PRSS23: variants seen among roughly 807,000 people sequenced by gnomAD.
The protein encoded by PRSS23 is serine protease 23.
In PRSS23, 25 loss-of-function variants were observed where a neutral mutation model predicts 34.7. The observed-to-expected ratio is 0.72, with a 90% confidence interval of 0.53 to 1.01. PRSS23 has a LOEUF of 1.01. PRSS23 is among the 50% of genes least tolerant of loss of function. The pLI is 0.00. For missense variants in PRSS23, 445 were observed against 475.6 expected (o/e 0.94, Z 0.60); for synonymous variants, 176 against 186.6 (o/e 0.94, Z 0.46).
intron 2 of PRSS23, among the ~76,000 whole-genome samples, chr11:86,928,423 C>G (rs1949097353): frequency 6.7e-6 from 1 of 148,504 alleles, no homozygotes; most frequent in Non-Finnish European, 1.5e-5. Flanking sequence ...CACCTGTAAT[C>G]CCAGCACTTT....
At position 86,927,480 on chromosome 11, in the gene PRSS23, G is replaced by A. The variant is rs569403332; in HGVS notation, c.207-23736G>A. 1.1e-4 allele frequency among the ~76,000 whole-genome samples: 16 copies of A among 152,234 alleles called. No individual in the cohort carries two copies. The South Asian group carries it at 2.9e-3, about 28-fold the overall frequency. ...ACAGTAATACTGATAAGAAAGCAGA[G>A]CTAAGATTTTACCTTCTCATTTTTT... On this transcript the variant is annotated intron_variant, in intron 2 of 2. Coordinates refer to the PRSS23 transcript ENST00000533902.
chr11:86,824,335 T>TA (rs774046719), intron 2 of PRSS23, among the ~76,000 whole-genome samples: 1 of 112,540 alleles, frequency 8.9e-6, no homozygotes, highest in Non-Finnish European at 1.9e-5. Flanking sequence ...AAAATAAAAA[T>TA]AAAATAAAAT....
At chr11:86,815,692 A>T (rs1046397719), downstream of PRSS23, among the ~76,000 whole-genome samples, 1 of 152,198 alleles carries the variant, frequency 6.6e-6, no homozygotes, top group African/African-American at 2.4e-5. Flanking sequence ...GTCTTCCCTT[A>T]TCTATCCCAT....
intron 2 of PRSS23, among the ~76,000 whole-genome samples, chr11:86,878,233 C>CCTCCCTCTCCCTCATCTCTGT (rs1727225516): frequency 2.4e-5 from 2 of 84,798 alleles, no homozygotes; most frequent in African/African-American, 1.2e-4. Flanking sequence ...TACCCCTCCC[C>CCTCCCTCTCCCTCATCTCTGT]CTCCCTCTCC....
At chr11:86,945,413 G>C (rs1949234666) in intron 2 of PRSS23, among the ~76,000 whole-genome samples, 1 of 150,968 alleles carries the variant, frequency 6.6e-6, no homozygotes, top group Non-Finnish European at 1.5e-5. Context: ...GAGAACTATA[G>C]TTATATCCAA....
At chr11:86,871,046 A>G (rs893575638) in intron 2 of PRSS23, among the ~76,000 whole-genome samples, 4 of 152,048 alleles carry the variant, frequency 2.6e-5, no homozygotes, top group Non-Finnish European at 5.9e-5. Flanking sequence ...CTTTTTTCAT[A>G]TCTAGTAATT....
chr11:86,876,598 G>C (rs191119810), intron 2 of PRSS23, among the ~76,000 whole-genome samples: 22 of 152,236 alleles, frequency 1.4e-4, no homozygotes, highest in Admixed American at 1.2e-3. Flanking sequence ...CCTAGGAGCT[G>C]GTTAGAAATG....
intron 2 of PRSS23, among the ~76,000 whole-genome samples, chr11:86,917,639 C>G (rs1168996418): frequency 6.6e-6 from 1 of 152,170 alleles, no homozygotes; most frequent in Non-Finnish European, 1.5e-5. Flanking sequence ...TGCTTAAAAT[C>G]GGACTATCTG....
chr11:86,820,342 T>C (rs1437032714), intron 1 of PRSS23, among the ~76,000 whole-genome samples: 2 of 152,194 alleles, frequency 1.3e-5, no homozygotes, highest in African/African-American at 4.8e-5. Flanking sequence ...TTAATACAAA[T>C]ATAAATAAGT....
intron 2 of PRSS23, among the ~76,000 whole-genome samples, chr11:86,823,756 C>T (rs1422894144): frequency 1.3e-5 from 2 of 152,076 alleles, no homozygotes; most frequent in Non-Finnish European, 2.9e-5. Flanking sequence ...CCTGTAATCC[C>T]AGCATTTTGG....
exon 3 of PRSS23, chr11:86,952,526 C>A (rs1255880444): frequency 6.3e-7 from 1 of 1,584,440 alleles, no homozygotes; most frequent in East Asian, 2.2e-5. Context: ...GGAAGTTTGA[C>A]CAAATGCTCC....
chr11:86,830,340 C>G (rs190601802), intron 2 of PRSS23, among the ~76,000 whole-genome samples: 1 of 152,276 alleles, frequency 6.6e-6, no homozygotes, highest in East Asian at 1.9e-4. Flanking sequence ...TTAAGCCTGT[C>G]GGAAAAGCGC....
rs778076028 is a variant in PRSS23 at position 86,939,393 on chromosome 11, T to TAAAAAAAAA, written c.207-11820_207-11812dup. ...TTTTCCAGTGTTCCTATTTCTCAGT[T>TAAAAAAAAA]AAAAAAAAAAATATATATATATATA... On this transcript the variant is annotated intron_variant, in intron 2 of 2. Coordinates refer to the PRSS23 transcript ENST00000533902. Among the ~76,000 whole-genome samples the TAAAAAAAAA allele has an allele frequency of 4.0e-3, 332 of 83,790 alleles. 1 individual carries two copies. The highest frequency in any genetic ancestry group is 5.4e-3 in the Non-Finnish European group (204 of 37,580). The allele number at this position is 83,790 out of a possible 152,430, so 55.0% of individuals were successfully genotyped here. A position where few individuals can be genotyped will look rare whatever the true frequency, so the allele number is the denominator to read the frequency against.
chr11:86,900,312 A>G (rs1448062999), intron 2 of PRSS23, among the ~76,000 whole-genome samples: 1 of 152,206 alleles, frequency 6.6e-6, no homozygotes, highest in East Asian at 1.9e-4. Context: ...ACAGGGAGGC[A>G]GGAGGAGGAA....
At chr11:86,880,522 T>C (rs1412038224) in intron 2 of PRSS23, among the ~76,000 whole-genome samples, 1 of 152,158 alleles carries the variant, frequency 6.6e-6, no homozygotes, top group African/African-American at 2.4e-5. Context: ...CCTGGATATA[T>C]GTGCAGAATG....
intron 2 of PRSS23, among the ~76,000 whole-genome samples, chr11:86,823,866 C>A (rs1297982449): frequency 6.6e-6 from 1 of 150,814 alleles, no homozygotes; most frequent in Admixed American, 6.6e-5. Flanking sequence ...ATTAGCCGGG[C>A]GTGGTAGCGG....
chr11:86,879,733 GC>G (rs1401899471), intron 2 of PRSS23, among the ~76,000 whole-genome samples: 2 of 137,408 alleles, frequency 1.5e-5, no homozygotes, highest in African/African-American at 5.4e-5. Context: ...GGGGGTGTCA[GC>G]CCCCCGCCCG....
intron 2 of PRSS23, among the ~76,000 whole-genome samples, chr11:86,863,790 C>CA (rs34319214): frequency 0.31 from 47,660 of 151,968 alleles, 7,731 homozygotes; most frequent in Non-Finnish European, 0.36. Flanking sequence ...TTAACAGATG[C>CA]AGACAAAGCC....
intron 2 of PRSS23, among the ~76,000 whole-genome samples, chr11:86,884,171 C>T (rs978836253): frequency 6.6e-6 from 1 of 152,202 alleles, no homozygotes; most frequent in African/African-American, 2.4e-5. Flanking sequence ...ACCAACACTA[C>T]TCTATACTGG....
Sources: gnomAD v4.1 joint callset for allele counts (sites outside exome capture counted in the v4.1 genomes callset) on GRCh38, gnomAD v4.1.1 for gene constraint, MANE v1.5 for transcripts, NCBI Gene and HGNC (gene_info 2026-07-23, HGNC 2026-07-21) for gene names.